Variants in AKR1C2 observed in about 807,000 individuals in gnomAD.
AKR1C2 encodes aldo-keto reductase family 1 member C2, also known as 3-alpha-HSD3.
A neutral mutation model predicts 39.8 loss-of-function variants in AKR1C2; 27 were observed. The observed-to-expected ratio is 0.68, with a 90% confidence interval of 0.50 to 0.93. AKR1C2 has a LOEUF of 0.93. Among genes scored for constraint, AKR1C2 ranks in the 40% least tolerant of loss-of-function variants. The pLI is 0.00. For synonymous variants in AKR1C2, 114 were observed against 137.9 expected, an observed-to-expected ratio of 0.83 and a Z score of 1.22; for missense variants, 263 against 365.1, an observed-to-expected ratio of 0.72 and a Z score of 2.28.
chr10:5,009,295 A>T (rs1453352207), intron 1 of AKR1C2, among the ~76,000 whole-genome samples: 1 of 152,134 alleles, frequency 6.6e-6, no homozygotes, highest in Non-Finnish European at 1.5e-5. Flanking sequence ...TGGATGAGTG[A>T]CAATTGCACC....
chr10:4,997,768 A>C (rs1390968050), intron 5 of AKR1C2, among the ~76,000 whole-genome samples: 2 of 152,210 alleles, frequency 1.3e-5, no homozygotes, highest in Non-Finnish European at 2.9e-5. Flanking sequence ...ATAACAAAAA[A>C]TGTAAGTTAC....
At chr10:4,990,352 C>A (rs1353497751) in intron 8 of AKR1C2, among the ~76,000 whole-genome samples, 2 of 152,134 alleles carry the variant, frequency 1.3e-5, no homozygotes, top group African/African-American at 4.8e-5. Flanking sequence ...ATATTCTGAC[C>A]TTTTCTATTT....
intron 5 of AKR1C2, among the ~76,000 whole-genome samples, chr10:4,997,838 T>C (rs1390504549): frequency 6.6e-6 from 1 of 152,214 alleles, no homozygotes; most frequent in Non-Finnish European, 1.5e-5. Flanking sequence ...GCAGTCAATT[T>C]GATCAAGGAG....
chr10:5,000,428 G>A lies in AKR1C2; in HGVS notation c.369+122C>T, dbSNP rs533674669. 3.8e-6 allele frequency: 6 copies of A among 1,589,740 alleles called. No homozygotes were observed. The South Asian group carries it at 5.7e-5, about 15-fold the overall frequency. On this transcript the variant is annotated intron_variant, in intron 3 of 8. Transcript: ENST00000380753. ...AAAGGAATTAGGAGTTATGTTTAGGGCTCTTCTTCCATGTTAAAATCCCTA... is the reference window on the plus strand; with the variant it reads ...AAAGGAATTAGGAGTTATGTTTAGGACTCTTCTTCCATGTTAAAATCCCTA...
intron 1 of AKR1C2, among the ~76,000 whole-genome samples, chr10:5,003,054 CATT>C (rs1837319091): frequency 1.3e-5 from 2 of 151,982 alleles, no homozygotes; most frequent in South Asian, 4.1e-4. Context: ...GTAGAAATAG[CATT>C]TAGCTATTTC....
upstream of AKR1C2, among the ~76,000 whole-genome samples, chr10:5,008,620 G>C (rs1837457330): frequency 6.6e-6 from 1 of 152,230 alleles, no homozygotes; most frequent in Non-Finnish European, 1.5e-5. Flanking sequence ...AGAGGGAGAG[G>C]AATATGAGGA....
chr10:5,001,378 A>G, intron 2 of AKR1C2, 136 bp downstream of exon 2: 1 of 1,454,614 alleles, frequency 6.9e-7, no homozygotes, highest in East Asian at 2.3e-5. Context: ...TATTAGTTTT[A>G]ATACATGAGT....
chr10:4,999,717 A>T, intron 3 of AKR1C2: 1 of 180,148 alleles, frequency 5.6e-6, no homozygotes, highest in Admixed American at 5.7e-5. Flanking sequence ...ATCATGGTCA[A>T]TGGAGGCGTT....
At position 5,001,553 on chromosome 10, in the gene AKR1C2, A is replaced by G. The variant is rs1554773821; in HGVS notation, c.213T>C (p.Asp71=). Reference sequence around the variant, plus strand: ...ATATGTCTTCTCTCTTCACACTGCCATCTGCAATCTTGCTTCGGATGGCCA... The same window carrying G: ...ATATGTCTTCTCTCTTCACACTGCCGTCTGCAATCTTGCTTCGGATGGCCA... ...VGLAIRSKIA[D]GSVKREDIFY... Residue 71 remains aspartate, a synonymous_variant, in exon 2 of 9, where the codon GAT becomes GAC. Coordinates refer to ENST00000380753, the MANE Select transcript of AKR1C2 (RefSeq NM_001393392.1). The G allele has an allele frequency of 1.9e-6, 3 of 1,614,004 alleles. No individual in the cohort carries two copies. Among genetic ancestry groups the G allele is most frequent in the Middle Eastern group, 1.7e-4 (1 of 6,058 alleles).
At chr10:4,997,831 G>A (rs1325789949) in intron 5 of AKR1C2, among the ~76,000 whole-genome samples, 2 of 152,208 alleles carry the variant, frequency 1.3e-5, no homozygotes, top group East Asian at 3.8e-4. Flanking sequence ...TTTGGGGGCA[G>A]TCAATTTGAT....
chr10:5,001,565 G>A lies in AKR1C2; in HGVS notation c.201C>T (p.Ser67=). 6.2e-7 allele frequency: 1 copy of A among 1,613,984 alleles called. No individual in the cohort carries two copies. The highest frequency in any genetic ancestry group is 1.7e-5 in the Admixed American group (1 of 60,014). Reference sequence around the variant, plus strand: ...TCTTCACACTGCCATCTGCAATCTTGCTTCGGATGGCCAGTCCAACCTGCT... The same window carrying A: ...TCTTCACACTGCCATCTGCAATCTTACTTCGGATGGCCAGTCCAACCTGCT... ...NEEQVGLAIR[S]KIADGSVKRE... Residue 67 remains serine, a synonymous_variant, in exon 2 of 9, where the codon AGC becomes AGT. Transcript: ENST00000380753.
At position 4,988,949 on chromosome 10, in the gene AKR1C2, A is replaced by C. The variant is rs1836749518; in HGVS notation, c.*1047T>G. ...GTTTTACATAGCCTGTTTCCAAAAG[A>C]CATTTGAAGTCTTGGAACATTTGAT... On this transcript the variant is annotated 3_prime_UTR_variant, in exon 9 of 9. Coordinates refer to ENST00000380753, the MANE Select transcript of AKR1C2 (RefSeq NM_001393392.1). The C allele has an allele frequency of 6.6e-6, 1 of 152,194 alleles. No individual in the cohort carries two copies. The highest frequency in any genetic ancestry group is 6.5e-5 in the Admixed American group (1 of 15,284). 9.4% of individuals were successfully genotyped at this position (152,194 alleles called of 1,614,324 possible).
intron 7 of AKR1C2, among the ~76,000 whole-genome samples, chr10:4,992,680 T>G (rs10904385): frequency 0.45 from 67,450 of 149,030 alleles, 16,368 homozygotes; most frequent in East Asian, 0.93. Context: ...GCCGGGCACG[T>G]TGGCTCACGC....
At position 4,999,459 on chromosome 10, in the gene AKR1C2, T is replaced by G. The variant is rs35979147; in HGVS notation, c.370-182A>C. The G allele has an allele frequency of 2.3e-5, 28 of 1,198,808 alleles. No homozygotes were observed. The Admixed American group carries it at 7.2e-4, about 31-fold the overall frequency. 74.3% of individuals were successfully genotyped at this position (1,198,808 alleles called of 1,614,324 possible). ...AAGGAATGTCTTCAGGTGACAGGCTTCCTCTAATCTCTTACACCTATTATA... is the reference window on the plus strand; with the variant it reads ...AAGGAATGTCTTCAGGTGACAGGCTGCCTCTAATCTCTTACACCTATTATA... On this transcript the variant is annotated intron_variant, in intron 3 of 8. Coordinates refer to ENST00000380753, the MANE Select transcript of AKR1C2 (RefSeq NM_001393392.1).
upstream of AKR1C2, chr10:5,007,283 G>T (rs1445423293): frequency 1.4e-5 from 2 of 138,088 alleles, no homozygotes; most frequent in Admixed American, 7.3e-5. Flanking sequence ...ATGTATTTGT[G>T]AAATTTGCTT....
chr10:5,016,671 G>C (rs1837645915), intron 1 of AKR1C2, among the ~76,000 whole-genome samples: 1 of 152,176 alleles, frequency 6.6e-6, no homozygotes, highest in Non-Finnish European at 1.5e-5. Context: ...TCTGGAGGAT[G>C]GTGGCCCTCT....
intron 4 of AKR1C2, 58 bp downstream of exon 4, chr10:4,999,142 G>A: frequency 1.4e-6 from 2 of 1,418,132 alleles, no homozygotes; most frequent in Non-Finnish European, 1.9e-6. Context: ...AAGAAGATAG[G>A]AAACAGATGT....
chr10:5,010,571 T>C (rs1286531476), intron 1 of AKR1C2: 4 of 152,024 alleles, frequency 2.6e-5, no homozygotes, highest in East Asian at 3.9e-4. Flanking sequence ...TCTTTCTAGA[T>C]GTGAGAGAAA....
At chr10:4,990,237 C>A (rs1181555024) in intron 8 of AKR1C2, among the ~76,000 whole-genome samples, 199 bp from the exon 9 acceptor site, 11 of 152,186 alleles carry the variant, frequency 7.2e-5, no homozygotes, top group African/African-American at 2.2e-4. Context: ...TAATTTAATT[C>A]TATTCCCCTG....
Sources: gnomAD v4.1 joint callset for allele counts (sites outside exome capture counted in the v4.1 genomes callset) on GRCh38, gnomAD v4.1.1 for gene constraint, MANE v1.5 for transcripts, NCBI Gene and HGNC (gene_info 2026-07-23, HGNC 2026-07-21) for gene names.